Variants in RPS6KA5 observed in about 807,000 individuals in gnomAD.
RPS6KA5 encodes the protein ribosomal protein S6 kinase alpha-5.
RPS6KA5 carries 27 observed loss-of-function variants against 85.5 expected under a neutral mutation model. That is an observed-to-expected ratio of 0.32 (90% CI 0.23 to 0.44). The LOEUF is 0.44. Ranked by LOEUF, RPS6KA5 falls within the 20% of genes least tolerant of loss-of-function variation. The pLI is 1.00. For missense variants in RPS6KA5, 811 were observed against 980.9 expected, an observed-to-expected ratio of 0.83 and a Z score of 2.31; for synonymous variants, 334 against 348.2, an observed-to-expected ratio of 0.96 and a Z score of 0.46.
chr14:90,960,218 T>C (rs1281606396), intron 3 of RPS6KA5, among the ~76,000 whole-genome samples: 3 of 152,204 alleles, frequency 2.0e-5, no homozygotes, highest in Non-Finnish European at 2.9e-5. Context: ...ACTGCATCTC[T>C]GATGTCTTTA....
intron 5 of RPS6KA5, among the ~76,000 whole-genome samples, chr14:90,928,142 C>T (rs1216355861): frequency 6.6e-6 from 1 of 151,680 alleles, no homozygotes; most frequent in Non-Finnish European, 1.5e-5. Flanking sequence ...GTTGTCCAGG[C>T]TCCTGAGCTC....
At chr14:91,043,488 C>T (rs1018024893) in intron 1 of RPS6KA5, among the ~76,000 whole-genome samples, 4 of 152,140 alleles carry the variant, frequency 2.6e-5, no homozygotes, top group Non-Finnish European at 4.4e-5. Context: ...CTTCTACTTA[C>T]TTCTTGAGTA....
rs1189335958 is a variant in RPS6KA5 at position 90,892,016 on chromosome 14, A to T, written c.1645-1338T>A. Among the ~76,000 whole-genome samples, 190 of 134,820 alleles carry T rather than the reference A, an allele frequency of 1.4e-3. 1 individual carries two copies. The highest frequency in any genetic ancestry group is 4.6e-3 in the African/African-American group (165 of 35,508). 88.4% of individuals were successfully genotyped at this position (134,820 alleles called of 152,430 possible). On this transcript the variant is annotated intron_variant, in intron 13 of 16. Transcript: ENST00000614987. ...TTTAGTTCTTTTTTTTTTTTTTTTG[A>T]GAGAGACAGTCTTGCTCTGTTGCCC...
At chr14:90,969,862 C>T (rs148958029) in intron 3 of RPS6KA5, among the ~76,000 whole-genome samples, 1,777 of 149,994 alleles carry the variant, frequency 0.012, 16 homozygotes, top group Admixed American at 0.019. Context: ...CTCTTTTTTT[C>T]TCTCTCTCTC....
At chr14:90,970,656 G>A (rs1167498141) in intron 3 of RPS6KA5, among the ~76,000 whole-genome samples, 2 of 152,138 alleles carry the variant, frequency 1.3e-5, no homozygotes, top group Non-Finnish European at 2.9e-5. Flanking sequence ...TATTTTTACA[G>A]ATTATTTTCC....
rs1285768468 is a variant in RPS6KA5 at position 90,850,660 on chromosome 14, A to G, written c.*21414T>C. On this transcript the variant is annotated 3_prime_UTR_variant, in exon 17 of 17. Coordinates refer to ENST00000614987, the MANE Select transcript of RPS6KA5 (RefSeq NM_004755.4). ...CCCACTTTCCCAAAAAGTTTTCAGG[A>G]AAAGGCTGCACAAGCACCTGTTGGT... 1 of 152,230 alleles carries G rather than the reference A, an allele frequency of 6.6e-6. No individual in the cohort carries two copies. Among genetic ancestry groups the G allele is most frequent in the Non-Finnish European group, 1.5e-5 (1 of 68,032 alleles). The allele number at this position is 152,230 out of a possible 1,614,324, so 9.4% of individuals were successfully genotyped here.
intron 5 of RPS6KA5, among the ~76,000 whole-genome samples, chr14:90,939,723 C>T (rs947897955): frequency 4.6e-5 from 7 of 151,968 alleles, no homozygotes; most frequent in African/African-American, 1.7e-4. Context: ...AAAACCTGCC[C>T]CCATGATTCA....
At position 90,868,267 on chromosome 14, in the gene RPS6KA5, C is replaced by G. The variant is rs1467359878; in HGVS notation, c.*3807G>C. ...CCCATTCTTGAGTTTTACAATGTCT[C>G]CTATCCAAACTTCAAATTTCATTAG... On this transcript the variant is annotated 3_prime_UTR_variant, in exon 17 of 17. Transcript: ENST00000614987. 6.6e-6 allele frequency: 1 copy of G among 152,048 alleles called. No individual in the cohort carries two copies. Among genetic ancestry groups the G allele is most frequent in the African/African-American group, 2.4e-5 (1 of 41,390 alleles). 9.4% of individuals were successfully genotyped at this position (152,048 alleles called of 1,614,324 possible).
At chr14:91,037,135 G>A (rs769133293) in intron 1 of RPS6KA5, among the ~76,000 whole-genome samples, 5 of 152,176 alleles carry the variant, frequency 3.3e-5, no homozygotes, top group Non-Finnish European at 5.9e-5. Context: ...AAGGGATATA[G>A]TGGAATGTTT....
intron 1 of RPS6KA5, among the ~76,000 whole-genome samples, chr14:91,011,722 C>G (rs1348089110): frequency 6.6e-6 from 1 of 152,172 alleles, no homozygotes; most frequent in African/African-American, 2.4e-5. Context: ...TTGCTTATAA[C>G]TATAGCTGTA....
At chr14:91,026,317 G>A (rs761025059) in intron 1 of RPS6KA5, among the ~76,000 whole-genome samples, 13 of 152,168 alleles carry the variant, frequency 8.5e-5, no homozygotes, top group Admixed American at 5.2e-4. Flanking sequence ...TGCAGCCTCC[G>A]TCTCCTGGGC....
intron 5 of RPS6KA5, among the ~76,000 whole-genome samples, chr14:90,929,097 T>C (rs1269411466): frequency 6.6e-6 from 1 of 152,050 alleles, no homozygotes; most frequent in Non-Finnish European, 1.5e-5. Flanking sequence ...AGAAAAACCA[T>C]AAGAATTTAC....
At chr14:91,044,309 G>A (rs916611875) in intron 1 of RPS6KA5, among the ~76,000 whole-genome samples, 2 of 125,558 alleles carry the variant, frequency 1.6e-5, no homozygotes, top group African/African-American at 3.0e-5. Flanking sequence ...GAGAGAAAGA[G>A]AGAGAGAGAA....
chr14:90,978,546 A>G lies in RPS6KA5; in HGVS notation c.176-22T>C, dbSNP rs746756138. The stretch of plus-strand genomic sequence containing the variant: ...TAAGCTGAAAATGAAAAGAAAAAAT[A>G]AAAAGAATTAAAATGCTACACAGGC... On this transcript the variant is annotated intron_variant, in intron 2 of 16. Transcript: ENST00000614987. 9.8e-6 allele frequency: 15 copies of G among 1,533,608 alleles called. No homozygotes were observed. In the South Asian group the frequency reaches 1.1e-4, roughly 11 times the overall value.
intron 5 of RPS6KA5, among the ~76,000 whole-genome samples, chr14:90,937,834 C>T (rs1330334142): frequency 2.0e-5 from 3 of 152,142 alleles, no homozygotes; most frequent in African/African-American, 4.8e-5. Context: ...TACCTCCCAC[C>T]AGGTCCCTCC....
intron 3 of RPS6KA5, among the ~76,000 whole-genome samples, chr14:90,977,336 A>G (rs1331726445): frequency 6.6e-6 from 1 of 152,242 alleles, no homozygotes; most frequent in Non-Finnish European, 1.5e-5. Context: ...GAACACTAGA[A>G]GCACTGCCAT....
chr14:90,886,913 A>G (rs1425155504), intron 14 of RPS6KA5, among the ~76,000 whole-genome samples: 1 of 152,198 alleles, frequency 6.6e-6, no homozygotes, highest in East Asian at 1.9e-4. Context: ...TATTTTATTC[A>G]ATGAGGACAA....
At chr14:90,876,247 G>C (rs1023532953) in intron 14 of RPS6KA5, among the ~76,000 whole-genome samples, 1 of 152,162 alleles carries the variant, frequency 6.6e-6, no homozygotes, top group African/African-American at 2.4e-5. Flanking sequence ...TAGAGAGATA[G>C]CAGAACTCCT....
intron 1 of RPS6KA5, among the ~76,000 whole-genome samples, chr14:91,051,825 C>A (rs915032120): frequency 3.8e-4 from 57 of 151,724 alleles, no homozygotes; most frequent in African/African-American, 1.3e-3. Flanking sequence ...CTCACCCAAA[C>A]CAACTAGGAA....
Sources: gnomAD v4.1 joint callset for allele counts (sites outside exome capture counted in the v4.1 genomes callset) on GRCh38, gnomAD v4.1.1 for gene constraint, MANE v1.5 for transcripts, NCBI Gene and HGNC (gene_info 2026-07-23, HGNC 2026-07-21) for gene names.